Variants in SEC24A observed in about 807,000 individuals in gnomAD.
SEC24A encodes the protein SEC24 homolog A, COPII component, also known as protein transport protein Sec24A.
In SEC24A, 93 loss-of-function variants were observed where a neutral mutation model predicts 129.4. That is an observed-to-expected ratio of 0.72 (90% CI 0.61 to 0.85). The LOEUF (loss-of-function observed/expected upper bound fraction) is 0.85. Among genes scored for constraint, SEC24A ranks in the 40% least tolerant of loss-of-function variants. The probability of loss-of-function intolerance (pLI) is 0.00; values close to 1 mark genes in which losing one functional copy is unlikely to be tolerated. For synonymous variants in SEC24A, 460 were observed against 467.3 expected (o/e 0.98, Z 0.20); for missense variants, 1,264 against 1,307.4 (o/e 0.97, Z 0.51).
chr5:134,705,546 T>C, intron 17 of SEC24A, 109 bp downstream of exon 17: 1 of 613,610 alleles, frequency 1.6e-6, no homozygotes, highest in Non-Finnish European at 2.8e-6. Context: ...ATGTTTTAGA[T>C]CCCCTGGGTG....
rs745976054 is a variant in SEC24A, at chr5:134,674,607, G to T, written c.818-8G>T. On this transcript the variant is annotated splice_region_variant and splice_polypyrimidine_tract_variant and intron_variant, in intron 4 of 22. Coordinates refer to ENST00000398844, the MANE Select transcript of SEC24A (RefSeq NM_021982.3). The stretch of plus-strand genomic sequence containing the variant: ...TAAAATAGAACTTAAAAGTTACCTT[G>T]TTTCTAGCAACACCACAGCTTACTA... The T allele has an allele frequency of 6.2e-7, 1 of 1,608,672 alleles. No individual in the cohort carries two copies. Among genetic ancestry groups the T allele is most frequent in the South Asian group, 1.1e-5 (1 of 90,082 alleles).
chr5:134,680,634 A>G (rs1318235446), intron 8 of SEC24A, among the ~76,000 whole-genome samples: 6 of 151,598 alleles, frequency 4.0e-5, no homozygotes. Context: ...GCACCCGGCC[A>G]AGAGTTTGTT....
intron 2 of SEC24A, among the ~76,000 whole-genome samples, chr5:134,662,620 G>A (rs1307247606): frequency 6.6e-6 from 1 of 152,096 alleles, no homozygotes; most frequent in Non-Finnish European, 1.5e-5. Flanking sequence ...CTTGTAAATT[G>A]TTAATGGCTG....
At chr5:134,715,402 A>G (rs1752447321) in intron 19 of SEC24A, 3 of 377,808 alleles carry the variant, frequency 7.9e-6, no homozygotes, top group South Asian at 1.1e-4. Flanking sequence ...AAGATTGTCA[A>G]ATTGACCAGA....
rs1470410296 is a variant in SEC24A, at chr5:134,693,804, A to G, written c.1857A>G (p.Ala619=). 1.2e-6 allele frequency: 2 copies of G among 1,614,194 alleles called. No homozygotes were observed. Among genetic ancestry groups the G allele is most frequent in the East Asian group, 4.5e-5 (2 of 44,884 alleles). Residue 619 remains alanine, a synonymous_variant, in exon 13 of 23, where the codon GCA becomes GCG. Transcript: ENST00000398844. The part of the protein sequence containing the change: ...TLETQSALGP[A]LQAAFKLMSP... The stretch of plus-strand genomic sequence containing the variant: ...AGACCCAGAGTGCCTTGGGTCCTGC[A>G]CTGCAGGCTGCCTTTAAGCTGATGT...
Position 134,698,005 on chromosome 5 carries a change from C to T in SEC24A, c.2214C>T (p.Tyr738=), listed in dbSNP as rs774480242. The part of the protein sequence containing the change: ...VQKLQKELQR[Y]LTRKIGFEAV... ...AATTACAGAAGGAACTACAGAGATACCTTACTCGGAAGATTGGCTTTGAGG... is the reference window on the plus strand; with the variant it reads ...AATTACAGAAGGAACTACAGAGATATCTTACTCGGAAGATTGGCTTTGAGG... Residue 738 remains tyrosine, a synonymous_variant, in exon 15 of 23, where the codon TAC becomes TAT. Coordinates refer to ENST00000398844, the MANE Select transcript of SEC24A (RefSeq NM_021982.3). 1.9e-6 allele frequency: 3 copies of T among 1,613,884 alleles called. No homozygotes were observed. Among genetic ancestry groups the T allele is most frequent in the Non-Finnish European group, 2.5e-6 (3 of 1,179,944 alleles).
intron 4 of SEC24A, 39 bp from the exon 5 acceptor site, chr5:134,674,576 G>C: frequency 6.4e-7 from 1 of 1,566,148 alleles, no homozygotes; most frequent in Non-Finnish European, 8.7e-7. Context: ...CAAGTATTCT[G>C]GAGTATAAAA....
At chr5:134,722,152 C>T (rs1752644457) in intron 21 of SEC24A, among the ~76,000 whole-genome samples, 1 of 152,116 alleles carries the variant, frequency 6.6e-6, no homozygotes, top group Non-Finnish European at 1.5e-5. Flanking sequence ...TTGGAACATC[C>T]ATGCCTGTTC....
intron 1 of SEC24A, among the ~76,000 whole-genome samples, chr5:134,652,202 G>A (rs367636718): frequency 3.9e-5 from 6 of 152,066 alleles, no homozygotes; most frequent in East Asian, 3.9e-4. Context: ...GATTACAGGC[G>A]TGAGCCACCG....
chr5:134,679,586 G>GTTTTT lies in SEC24A; in HGVS notation c.1255-9_1255-5dup. On this transcript the variant is annotated splice_polypyrimidine_tract_variant and intron_variant, in intron 7 of 22. Transcript: ENST00000398844. ...TTTTTGCCTTTAAAAATTTAATTCT[G>GTTTTT]TTTTTTTTTTTCCAGCAATTGCCTG... 8.2e-7 allele frequency: 1 copy of GTTTTT among 1,214,680 alleles called. No individual in the cohort carries two copies. Among genetic ancestry groups the GTTTTT allele is most frequent in the South Asian group, 1.6e-5 (1 of 63,078 alleles). 75.2% of individuals were successfully genotyped at this position (1,214,680 alleles called of 1,614,324 possible). A position where few individuals can be genotyped will look rare whatever the true frequency, so the allele number is the denominator to read the frequency against.
Position 134,693,210 on chromosome 5 carries a change from A to G in SEC24A, c.1780-517A>G, listed in dbSNP as rs1330600657. On this transcript the variant is annotated intron_variant, in intron 12 of 22. Transcript: ENST00000398844. Reference sequence around the variant, plus strand: ...AAGTCTATGGTCTCTGCTGTTGGCAATGGTGACTGTGCCATAGTGCGAAGT... The same window carrying G: ...AAGTCTATGGTCTCTGCTGTTGGCAGTGGTGACTGTGCCATAGTGCGAAGT... The G allele has an allele frequency of 2.0e-6, 3 of 1,518,676 alleles. No individual in the cohort carries two copies. The African/African-American group carries it at 4.1e-5, about 21-fold the overall frequency. The allele number at this position is 1,518,676 out of a possible 1,614,324, so 94.1% of individuals were successfully genotyped here. A position where few individuals can be genotyped will look rare whatever the true frequency, so the allele number is the denominator to read the frequency against.
intron 15 of SEC24A, among the ~76,000 whole-genome samples, chr5:134,701,909 A>G (rs1262484820): frequency 6.6e-6 from 1 of 152,186 alleles, no homozygotes; most frequent in Non-Finnish European, 1.5e-5. Context: ...GATCAAATAC[A>G]TACTCTAGAA....
intron 9 of SEC24A, among the ~76,000 whole-genome samples, chr5:134,682,952 A>T (rs1350733085): frequency 6.6e-6 from 1 of 152,170 alleles, no homozygotes; most frequent in Non-Finnish European, 1.5e-5. Flanking sequence ...TTGAAAGGTA[A>T]AAGTTTATGT....
chr5:134,666,372 A>G (rs1473267206), intron 2 of SEC24A, among the ~76,000 whole-genome samples: 3 of 152,168 alleles, frequency 2.0e-5, no homozygotes, highest in African/African-American at 7.2e-5. Context: ...CCTGGCCAAC[A>G]TGGTGAAACC....
intron 11 of SEC24A, among the ~76,000 whole-genome samples, chr5:134,689,983 G>C (rs373864876): frequency 1.3e-5 from 2 of 151,476 alleles, no homozygotes; most frequent in African/African-American, 4.8e-5. Context: ...ACCAGGGGCT[G>C]GGGGGGGAGG....
chr5:134,679,658 C>T lies in SEC24A; in HGVS notation c.1311C>T (p.Tyr437=), dbSNP rs756676589. 8 of 1,601,772 alleles carry T rather than the reference C, an allele frequency of 5.0e-6. No individual in the cohort carries two copies. The South Asian group carries it at 7.8e-5, about 16-fold the overall frequency. ...TIVRCRSCRT[Y]INPFVSFLDQ... Reference sequence around the variant, plus strand: ...TGAGATGCCGTTCATGCAGGACGTACATCAATCCTTTCGTCAGCTTTCTTG... The same window carrying T: ...TGAGATGCCGTTCATGCAGGACGTATATCAATCCTTTCGTCAGCTTTCTTG... The change falls in exon 8 of 23, where the codon TAC becomes TAT. Residue 437 remains tyrosine, a synonymous_variant. Coordinates refer to ENST00000398844, the MANE Select transcript of SEC24A (RefSeq NM_021982.3).
At chr5:134,694,564 G>T (rs1186853667) in intron 13 of SEC24A, among the ~76,000 whole-genome samples, 1 of 151,592 alleles carries the variant, frequency 6.6e-6, no homozygotes, top group South Asian at 2.1e-4. Context: ...GGAGAATGGC[G>T]TGAACCCGGG....
chr5:134,680,838 G>A (rs1238127654), intron 8 of SEC24A, among the ~76,000 whole-genome samples: 1 of 152,092 alleles, frequency 6.6e-6, no homozygotes, highest in African/African-American at 2.4e-5. Context: ...GGTGGCTTAC[G>A]CCTCTAATCT....
rs1165003060 is a variant in SEC24A, at chr5:134,725,260, G to A, written c.*166G>A. 9.7e-6 allele frequency: 5 copies of A among 515,202 alleles called. No individual in the cohort carries two copies. The highest frequency in any genetic ancestry group is 1.7e-5 in the Non-Finnish European group (5 of 294,166). The allele number at this position is 515,202 out of a possible 1,614,324, so 31.9% of individuals were successfully genotyped here. On this transcript the variant is annotated 3_prime_UTR_variant, in exon 23 of 23. Coordinates refer to ENST00000398844, the MANE Select transcript of SEC24A (RefSeq NM_021982.3). ...ATAGCAAATAAAAGACCACAGCAGA[G>A]AATCAAACATGCAACTCTGAAATAC...
Sources: allele counts gnomAD v4.1 joint callset (sites outside exome capture counted in the v4.1 genomes callset), GRCh38; gene constraint gnomAD v4.1.1; transcripts MANE v1.5; gene names NCBI Gene and HGNC (gene_info 2026-07-23, HGNC 2026-07-21).